Variants in DIP2B observed in about 807,000 individuals in gnomAD.
DIP2B encodes disco-interacting protein 2 homolog B.
DIP2B carries 76 observed loss-of-function variants against 198.0 expected under a neutral mutation model. The ratio of observed to expected loss-of-function variants is 0.38; its 90% confidence interval spans 0.32 to 0.46. DIP2B has a LOEUF of 0.46. Ranked by LOEUF, DIP2B falls within the 20% of genes least tolerant of loss-of-function variation. The pLI is 0.99. For synonymous variants in DIP2B, 701 were observed against 739.1 expected (o/e 0.95, Z 0.84); for missense variants, 1,559 against 1,978.4 (o/e 0.79, Z 4.02).
chr12:50,654,874 C>T, intron 3 of DIP2B: 1 of 272,120 alleles, frequency 3.7e-6, no homozygotes, highest in Admixed American at 4.0e-5. Context: ...CTAGACAACA[C>T]ACTCTGAAGG....
chr12:50,743,246 C>G (rs1940286905), intron 37 of DIP2B, among the ~76,000 whole-genome samples: 2 of 152,112 alleles, frequency 1.3e-5, no homozygotes, highest in African/African-American at 4.8e-5. Flanking sequence ...CCATGCCCGG[C>G]TAATTTTTGT....
chr12:50,617,373 T>C lies in DIP2B; in HGVS notation c.101-8603T>C, dbSNP rs569104091. Among the ~76,000 whole-genome samples, 9 of 151,914 alleles carry C rather than the reference T, an allele frequency of 5.9e-5. No homozygotes were observed. The South Asian group carries it at 1.9e-3, about 32-fold the overall frequency. ...GGTTTCACCGTGTTAGCCAGGATGG[T>C]CTCAATTTCCTGACCTCATGATCCA... On this transcript the variant is annotated intron_variant, in intron 1 of 37. Coordinates refer to ENST00000301180, the MANE Select transcript of DIP2B (RefSeq NM_173602.3).
intron 1 of DIP2B, among the ~76,000 whole-genome samples, chr12:50,545,731 G>A (rs1471791021): frequency 1.3e-5 from 2 of 150,564 alleles, no homozygotes; most frequent in Non-Finnish European, 2.9e-5. Flanking sequence ...TGCCTCCTGG[G>A]TTCTAGTGAT....
At chr12:50,572,123 G>A (rs1459634324) in intron 1 of DIP2B, among the ~76,000 whole-genome samples, 1 of 151,964 alleles carries the variant, frequency 6.6e-6, no homozygotes, top group Admixed American at 6.6e-5. Context: ...CATTCATTTT[G>A]TAAAAATGAA....
In DIP2B at chr12:50,573,106, A is replaced by G. The variant is rs140391554; in HGVS notation, c.101-52870A>G. On this transcript the variant is annotated intron_variant, in intron 1 of 37. Transcript: ENST00000301180. ...TTCCAGCTGAACTAAATGGTTAAGT[A>G]TCCTTTTTAGGCATCCCCTTAAATC... 3.5e-3 allele frequency among the ~76,000 whole-genome samples: 530 copies of G among 152,332 alleles called. 1 individual carries two copies. The highest frequency in any genetic ancestry group is 6.3e-3 in the Non-Finnish European group (427 of 68,040).
intron 13 of DIP2B, among the ~76,000 whole-genome samples, chr12:50,692,084 T>TAA (rs951991524): frequency 1.7e-4 from 26 of 152,044 alleles, no homozygotes; most frequent in African/African-American, 5.8e-4. Flanking sequence ...TATATATATA[T>TAA]AATACATTCA....
intron 4 of DIP2B, among the ~76,000 whole-genome samples, chr12:50,661,823 C>G (rs1938653832): frequency 6.6e-6 from 1 of 152,174 alleles, no homozygotes; most frequent in Non-Finnish European, 1.5e-5. Flanking sequence ...TGGAAATAAT[C>G]CCCTCCAAAG....
intron 4 of DIP2B, among the ~76,000 whole-genome samples, chr12:50,667,026 A>C (rs1938766598): frequency 1.3e-5 from 2 of 152,120 alleles, no homozygotes; most frequent in Admixed American, 1.3e-4. Flanking sequence ...ACACCACCAC[A>C]CTTAGCTAAG....
chr12:50,513,102 G>GA (rs1958033027), intron 1 of DIP2B, among the ~76,000 whole-genome samples: 1 of 152,202 alleles, frequency 6.6e-6, no homozygotes, highest in South Asian at 2.1e-4. Flanking sequence ...GGCGTGCGGT[G>GA]AGCACTCAGC....
intron 3 of DIP2B, among the ~76,000 whole-genome samples, chr12:50,649,416 G>A (rs1047776441): frequency 1.3e-5 from 2 of 152,182 alleles, no homozygotes; most frequent in African/African-American, 2.4e-5. Flanking sequence ...GGAATAACAA[G>A]TTCAGAGCTA....
chr12:50,570,551 A>C (rs1958603819), intron 1 of DIP2B, among the ~76,000 whole-genome samples: 1 of 152,218 alleles, frequency 6.6e-6, no homozygotes, highest in Non-Finnish European at 1.5e-5. Flanking sequence ...TCTCTATTAA[A>C]AATGCAAAAT....
chr12:50,592,669 G>A (rs949899838), intron 1 of DIP2B, among the ~76,000 whole-genome samples: 1 of 151,628 alleles, frequency 6.6e-6, no homozygotes, highest in African/African-American at 2.4e-5. Flanking sequence ...GTAGAGATGG[G>A]GTTTCACCAT....
chr12:50,721,192 TATG>T (rs1939829649), intron 25 of DIP2B, 78 bp from the exon 26 acceptor site: 1 of 1,534,396 alleles, frequency 6.5e-7, no homozygotes, highest in Non-Finnish European at 8.8e-7. Context: ...GCCTTTCAGG[TATG>T]ATGTTGAATT....
intron 1 of DIP2B, among the ~76,000 whole-genome samples, chr12:50,544,222 C>A (rs868862106): frequency 2.7e-4 from 38 of 142,928 alleles, no homozygotes; most frequent in South Asian, 4.5e-4. Context: ...GACTCCATCT[C>A]AAAAAAAAAA....
intron 22 of DIP2B, 124 bp downstream of exon 22, chr12:50,708,686 G>T: frequency 1.4e-6 from 1 of 718,926 alleles, no homozygotes; most frequent in Non-Finnish European, 2.3e-6. Flanking sequence ...CACATACTCT[G>T]GGTACTACTA....
chr12:50,639,103 T>TC (rs1263068075), intron 2 of DIP2B, among the ~76,000 whole-genome samples: 2 of 151,146 alleles, frequency 1.3e-5, no homozygotes, highest in South Asian at 4.2e-4. Flanking sequence ...TTTTTTTTTT[T>TC]TTTTGAGACA....
At chr12:50,570,711 A>G (rs3935138) in intron 1 of DIP2B, among the ~76,000 whole-genome samples, 61,776 of 152,152 alleles carry the variant, frequency 0.41, 13,535 homozygotes, top group East Asian at 0.75. Context: ...TCGGTCCCCC[A>G]ACAAAGAAAA....
chr12:50,613,677 A>T (rs937541420), intron 1 of DIP2B, among the ~76,000 whole-genome samples: 14 of 152,032 alleles, frequency 9.2e-5, no homozygotes, highest in Non-Finnish European at 1.9e-4. Context: ...GGGACTGAGT[A>T]TTAACATTTC....
intron 1 of DIP2B, among the ~76,000 whole-genome samples, chr12:50,515,417 G>A (rs1958055414): frequency 6.6e-6 from 1 of 152,016 alleles, no homozygotes; most frequent in Non-Finnish European, 1.5e-5. Context: ...TTTTAGTAGA[G>A]ATGGGGTTTC....
Sources: allele counts gnomAD v4.1 joint callset (sites outside exome capture counted in the v4.1 genomes callset), GRCh38; gene constraint gnomAD v4.1.1; transcripts MANE v1.5; gene names NCBI Gene and HGNC (gene_info 2026-07-23, HGNC 2026-07-21).